The following ANKDD1B variants were observed in gnomAD, a reference collection of about 807,000 sequenced individuals.
The protein encoded by ANKDD1B is ankyrin repeat and death domain-containing protein 1B.
In ANKDD1B, 57 loss-of-function variants were observed where a neutral mutation model predicts 59.7. The ratio of observed to expected loss-of-function variants is 0.95; its 90% confidence interval spans 0.77 to 1.19. The LOEUF (loss-of-function observed/expected upper bound fraction) is 1.19, where lower values mean the gene tolerates loss of function less well. Among genes scored for constraint, ANKDD1B ranks in the 50% most tolerant of loss-of-function variants. The probability of loss-of-function intolerance (pLI) is 0.00; values close to 1 mark genes in which losing one functional copy is unlikely to be tolerated. For missense variants in ANKDD1B, 602 were observed against 641.9 expected (o/e 0.94, Z 0.67); for synonymous variants, 216 against 239.5 (o/e 0.90, Z 0.91).
chr5:75,661,618 T>C (rs923623722), intron 10 of ANKDD1B, among the ~76,000 whole-genome samples: 12 of 152,110 alleles, frequency 7.9e-5, no homozygotes, highest in Non-Finnish European at 2.9e-5. Context: ...CATGAATACT[T>C]AATACCCCCA....
chr5:75,611,968 C>G (rs1773571266), intron 1 of ANKDD1B, 141 bp downstream of exon 1: 1 of 625,568 alleles, frequency 1.6e-6, no homozygotes, highest in Non-Finnish European at 2.3e-6. Context: ...GACCCCGAGT[C>G]CCAGCCTGCA....
intron 7 of ANKDD1B, among the ~76,000 whole-genome samples, chr5:75,652,792 T>C (rs1774865682): frequency 6.6e-6 from 1 of 152,206 alleles, no homozygotes; most frequent in African/African-American, 2.4e-5. Context: ...GGATATGTTA[T>C]GAGGAATGCC....
chr5:75,634,860 A>G (rs751674609), intron 5 of ANKDD1B, 38 bp from the exon 6 acceptor site: 11 of 1,300,476 alleles, frequency 8.5e-6, no homozygotes, highest in Non-Finnish European at 1.2e-5. Flanking sequence ...GTTCACTAAG[A>G]CTGTAATAAA....
chr5:75,658,793 C>T (rs1775041431), intron 9 of ANKDD1B, among the ~76,000 whole-genome samples: 1 of 152,092 alleles, frequency 6.6e-6, no homozygotes, highest in South Asian at 2.1e-4. Flanking sequence ...TAGTAAAATA[C>T]ACATAAAATC....
At chr5:75,637,101 C>T (rs1037419580) in intron 7 of ANKDD1B, among the ~76,000 whole-genome samples, 40 of 151,270 alleles carry the variant, frequency 2.6e-4, no homozygotes, top group South Asian at 4.2e-4. Flanking sequence ...CAAAATTAGC[C>T]GGGTGTACTG....
At chr5:75,660,986 C>G (rs771916100) in intron 10 of ANKDD1B, among the ~76,000 whole-genome samples, 2 of 152,228 alleles carry the variant, frequency 1.3e-5, no homozygotes, top group Non-Finnish European at 2.9e-5. Flanking sequence ...TACTCTAGTT[C>G]AGAATCATCC....
chr5:75,670,806 C>T (rs575354746), intron 13 of ANKDD1B, among the ~76,000 whole-genome samples, 173 bp from the exon 14 acceptor site: 1 of 152,170 alleles, frequency 6.6e-6, no homozygotes, highest in African/African-American at 2.4e-5. Context: ...TTGTAAACCT[C>T]GAGCAAGTTC....
At position 75,635,443 on chromosome 5, in the gene ANKDD1B, A is replaced by G. The variant is rs190728756; in HGVS notation, c.700-341A>G. 630 of 216,388 alleles carry G rather than the reference A, an allele frequency of 2.9e-3. 6 individuals carry two copies. The highest frequency in any genetic ancestry group is 0.011 in the African/African-American group (480 of 43,846). The allele number at this position is 216,388 out of a possible 1,614,324, so 13.4% of individuals were successfully genotyped here. A position where few individuals can be genotyped will look rare whatever the true frequency, so the allele number is the denominator to read the frequency against. Reference sequence around the variant, plus strand: ...ACATTTTAAAATCTTTGAGTATACAATATTGCTAAAATGATCTCCCAGAAA... The same window carrying G: ...ACATTTTAAAATCTTTGAGTATACAGTATTGCTAAAATGATCTCCCAGAAA... On this transcript the variant is annotated intron_variant, in intron 6 of 13. Transcript: ENST00000601380.
At chr5:75,632,399 G>A (rs1774189166) in intron 5 of ANKDD1B, among the ~76,000 whole-genome samples, 1 of 152,068 alleles carries the variant, frequency 6.6e-6, no homozygotes, top group South Asian at 2.1e-4. Context: ...TCTTAGGCAG[G>A]GTCTTCTTAT....
At chr5:75,628,837 G>T (rs1581134882) in intron 5 of ANKDD1B, among the ~76,000 whole-genome samples, 1 of 152,162 alleles carries the variant, frequency 6.6e-6, no homozygotes. Flanking sequence ...GCAGCCAGGA[G>T]TTATGAATAA....
intron 5 of ANKDD1B, among the ~76,000 whole-genome samples, chr5:75,631,582 A>T (rs1428935030): frequency 6.6e-6 from 1 of 152,220 alleles, no homozygotes; most frequent in Non-Finnish European, 1.5e-5. Context: ...CTTCTAAGCC[A>T]GGATGGCTCC....
chr5:75,627,254 C>A (rs1774019064), intron 5 of ANKDD1B, among the ~76,000 whole-genome samples: 1 of 152,178 alleles, frequency 6.6e-6, no homozygotes, highest in Non-Finnish European at 1.5e-5. Flanking sequence ...ATGGTAACAA[C>A]AAGGGTTGAT....
intron 10 of ANKDD1B, 71 bp downstream of exon 10, chr5:75,659,452 A>G: frequency 9.2e-7 from 1 of 1,081,574 alleles, no homozygotes; most frequent in Non-Finnish European, 1.4e-6. Flanking sequence ...GTCAGCCTTG[A>G]GCAGCGTTAT....
At chr5:75,644,212 ACAT>A (rs1467346737) in intron 7 of ANKDD1B, among the ~76,000 whole-genome samples, 1 of 59,278 alleles carries the variant, frequency 1.7e-5, no homozygotes, top group Non-Finnish European at 2.7e-5. Context: ...TCACCAGCTA[ACAT>A]CATAATGACA....
intron 7 of ANKDD1B, among the ~76,000 whole-genome samples, chr5:75,651,757 G>C (rs903394797): frequency 6.6e-6 from 1 of 152,330 alleles, no homozygotes; most frequent in South Asian, 2.1e-4. Flanking sequence ...CCTAGGCATA[G>C]TGTCTTAGTC....
rs1350884170 is a variant in ANKDD1B, at chr5:75,637,231, ACT to A, written c.798+1352_798+1353del. ...CTGCACCTGAGCCTGGGCGACAGAGACTCTGTCTCAAAAAAAAAAAAAAAAAA... is the reference window on the plus strand; with the variant it reads ...CTGCACCTGAGCCTGGGCGACAGAGACTGTCTCAAAAAAAAAAAAAAAAAA... On this transcript the variant is annotated intron_variant, in intron 7 of 13. Coordinates refer to ENST00000601380, the MANE Select transcript of ANKDD1B (RefSeq NM_001276713.2). Among the ~76,000 whole-genome samples the A allele has an allele frequency of 5.3e-5, 6 of 112,972 alleles. No homozygotes were observed. The East Asian group carries it at 1.7e-3, about 32-fold the overall frequency. 74.1% of individuals were successfully genotyped at this position (112,972 alleles called of 152,430 possible). A position where few individuals can be genotyped will look rare whatever the true frequency, so the allele number is the denominator to read the frequency against.
Position 75,611,525 on chromosome 5 carries a change from C to A in ANKDD1B, c.-110C>A. On this transcript the variant is annotated 5_prime_UTR_variant, in exon 1 of 14. Coordinates refer to ENST00000601380, the MANE Select transcript of ANKDD1B (RefSeq NM_001276713.2). ...CCGGCCGGGCTGACCTGCCTGCGTC[C>A]AGCCCCCGCGCCCTGGGCCTGCCTG... The A allele has an allele frequency of 1.1e-6, 1 of 918,698 alleles. No homozygotes were observed. The highest frequency in any genetic ancestry group is 1.4e-6 in the Non-Finnish European group (1 of 703,184). 56.9% of individuals were successfully genotyped at this position (918,698 alleles called of 1,614,324 possible). A position where few individuals can be genotyped will look rare whatever the true frequency, so the allele number is the denominator to read the frequency against.
intron 1 of ANKDD1B, among the ~76,000 whole-genome samples, chr5:75,613,939 C>A (rs563889062): frequency 6.6e-6 from 1 of 152,270 alleles, no homozygotes; most frequent in East Asian, 1.9e-4. Flanking sequence ...CAGCCTGGAC[C>A]ACGTAACGAG....
At chr5:75,618,700 G>A (rs1233972861) in intron 2 of ANKDD1B, among the ~76,000 whole-genome samples, 1 of 152,138 alleles carries the variant, frequency 6.6e-6, no homozygotes, top group Non-Finnish European at 1.5e-5. Context: ...GTAGAGCAAA[G>A]CTCCAGATTT....
Sources: gnomAD v4.1 joint callset for allele counts (sites outside exome capture counted in the v4.1 genomes callset) on GRCh38, gnomAD v4.1.1 for gene constraint, MANE v1.5 for transcripts, NCBI Gene and HGNC (gene_info 2026-07-23, HGNC 2026-07-21) for gene names.